The following TMEM181 variants were observed in gnomAD, a reference collection of about 807,000 sequenced individuals.
The protein encoded by TMEM181 is transmembrane protein 181, also known as G protein-coupled receptor 178.
A neutral mutation model predicts 71.9 loss-of-function variants in TMEM181; 39 were observed. The observed-to-expected ratio is 0.54, with a 90% CI of 0.42 to 0.71. TMEM181 has a LOEUF of 0.71. TMEM181 is among the 30% of genes least tolerant of loss of function. TMEM181 has a pLI of 0.00. For synonymous variants in TMEM181, 245 were observed against 228.8 expected, an observed-to-expected ratio of 1.07 and a Z score of -0.64; for missense variants, 595 against 583.0, an observed-to-expected ratio of 1.02 and a Z score of -0.21.
intron 1 of TMEM181, among the ~76,000 whole-genome samples, chr6:158,570,914 A>T (rs7760741): frequency 0.63 from 94,706 of 150,088 alleles, 30,697 homozygotes; most frequent in African/African-American, 0.78. Context: ...TTTGTTTGTT[A>T]GGTTGGTTTT....
chr6:158,583,540 G>T (rs758830066), intron 3 of TMEM181, among the ~76,000 whole-genome samples: 31 of 152,140 alleles, frequency 2.0e-4, no homozygotes, highest in Non-Finnish European at 3.7e-4. Flanking sequence ...AGTGGCTAAT[G>T]CCTGTAACCT....
At chr6:158,536,980 G>A (rs1781136611) in intron 1 of TMEM181, 1 of 739,994 alleles carries the variant, frequency 1.4e-6, no homozygotes, top group Non-Finnish European at 1.7e-6. Context: ...GCCTCCGCCG[G>A]CCGGGCGCGG....
intron 1 of TMEM181, among the ~76,000 whole-genome samples, chr6:158,539,814 A>C (rs950824659): frequency 6.6e-6 from 1 of 152,214 alleles, no homozygotes; most frequent in East Asian, 1.9e-4. Context: ...TTCTAGCCCC[A>C]GTTCCACTCC....
At chr6:158,627,940 G>C (rs1562316415) in intron 13 of TMEM181, among the ~76,000 whole-genome samples, 1 of 152,246 alleles carries the variant, frequency 6.6e-6, no homozygotes, top group South Asian at 2.1e-4. Context: ...TGTTGCCTTC[G>C]CTGCTGTGCA....
At chr6:158,565,098 C>T (rs978871577) in intron 1 of TMEM181, among the ~76,000 whole-genome samples, 1 of 152,336 alleles carries the variant, frequency 6.6e-6, no homozygotes, top group Non-Finnish European at 1.5e-5. Context: ...AGTGGGAATG[C>T]TGGTGCTGGC....
At chr6:158,581,523 G>C (rs968095082) in intron 3 of TMEM181, among the ~76,000 whole-genome samples, 1 of 152,122 alleles carries the variant, frequency 6.6e-6, no homozygotes, top group East Asian at 1.9e-4. Flanking sequence ...GGAAGCTGAG[G>C]TGAGCTGATC....
In TMEM181 at chr6:158,571,150, G is replaced by A. The variant is rs138262713; in HGVS notation, c.9-2270G>A. 9.1e-3 allele frequency among the ~76,000 whole-genome samples: 1,386 copies of A among 151,934 alleles called. 32 individuals carry two copies. The highest frequency in any genetic ancestry group is 0.032 in the African/African-American group (1,314 of 41,524). On this transcript the variant is annotated intron_variant, in intron 1 of 16. Transcript: ENST00000684151. ...CTCGTTCTGTTGCCCAGGCTGAAGT[G>A]CAGTGGTGCCATCTTGGCTCACTGC...
intron 10 of TMEM181, chr6:158,611,417 G>A (rs1785300742): frequency 1.9e-6 from 1 of 539,240 alleles, no homozygotes; most frequent in East Asian, 5.4e-5. Flanking sequence ...TCATTGTGGA[G>A]CCCTGATGTC....
chr6:158,562,820 G>A (rs1331936433), intron 1 of TMEM181, among the ~76,000 whole-genome samples: 1 of 152,166 alleles, frequency 6.6e-6, no homozygotes, highest in Non-Finnish European at 1.5e-5. Context: ...AGCAAGTGCC[G>A]TCGTAAGCAC....
At chr6:158,587,932 C>T (rs1783872597) in intron 5 of TMEM181, among the ~76,000 whole-genome samples, 1 of 152,194 alleles carries the variant, frequency 6.6e-6, no homozygotes. Context: ...AATGTATTTA[C>T]AGATTTTAAG....
chr6:158,580,461 T>C (rs1783410047), intron 2 of TMEM181, among the ~76,000 whole-genome samples: 1 of 152,230 alleles, frequency 6.6e-6, no homozygotes, highest in East Asian at 1.9e-4. Context: ...GTTAAAACTT[T>C]ATGCTTTCCT....
chr6:158,603,215 G>A (rs546399195), intron 6 of TMEM181, among the ~76,000 whole-genome samples: 2 of 152,156 alleles, frequency 1.3e-5, no homozygotes, highest in Non-Finnish European at 2.9e-5. Context: ...GTAGGCCAGT[G>A]GTCCCCAGCC....
intron 10 of TMEM181, among the ~76,000 whole-genome samples, chr6:158,611,978 C>CA (rs1554228502): frequency 6.9e-6 from 1 of 144,754 alleles, no homozygotes; most frequent in Admixed American, 7.2e-5. Context: ...GCAGGGATAC[C>CA]CCCCCCACCT....
rs1470234130 is a variant in TMEM181, at chr6:158,625,143, A to G, written c.994A>G (p.Ile332Val). Residue 332 changes from isoleucine (I) to valine (V), a missense_variant, in exon 12 of 17, where the codon ATT (isoleucine) becomes GTT (valine). Ile to Val is a conservative substitution (Grantham distance 29). Transcript: ENST00000684151. The stretch of plus-strand genomic sequence containing the variant: ...CTTCATGGTGGTGGCAGCGGTGTAC[A>G]TTCTGTACCTCTTGTTCTTGATAGT... ...VFFMVVAAVY[I>V]LYLLFLIVRA... 8.7e-6 allele frequency: 14 copies of G among 1,614,160 alleles called. 1 individual carries two copies. The highest frequency in any genetic ancestry group is 1.2e-5 in the Non-Finnish European group (14 of 1,180,020).
intron 6 of TMEM181, among the ~76,000 whole-genome samples, chr6:158,593,704 T>C (rs1784235683): frequency 6.6e-6 from 1 of 152,268 alleles, no homozygotes; most frequent in African/African-American, 2.4e-5. Flanking sequence ...CATTGTGTTG[T>C]GAACTTTAAA....
intron 3 of TMEM181, among the ~76,000 whole-genome samples, 162 bp from the exon 4 acceptor site, chr6:158,583,792 T>TC (rs1281260179): frequency 1.3e-5 from 2 of 152,054 alleles, no homozygotes; most frequent in African/African-American, 4.8e-5. Context: ...AGAGTGAGAC[T>TC]CCATCAAAAT....
At chr6:158,581,044 C>A in intron 3 of TMEM181, 49 bp downstream of exon 3, 1 of 1,538,932 alleles carries the variant, frequency 6.5e-7, no homozygotes. Flanking sequence ...CATTATAAAC[C>A]TCAGGTCACT....
At position 158,628,313 on chromosome 6, in the gene TMEM181, C is replaced by T. The variant is rs149263626; in HGVS notation, c.1110-95C>T. The T allele has an allele frequency of 8.0e-4, 941 of 1,177,982 alleles. 4 individuals carry two copies. The African/African-American group carries it at 0.011, about 14-fold the overall frequency. 73.0% of individuals were successfully genotyped at this position (1,177,982 alleles called of 1,614,324 possible). ...CCATGCAGAAATCATAGTGTACAGA[C>T]GGAAAGCTTGAATGGGGTGAATAGA... On this transcript the variant is annotated intron_variant, in intron 13 of 16. Coordinates refer to ENST00000684151, the MANE Select transcript of TMEM181 (RefSeq NM_001376852.1).
intron 7 of TMEM181, 128 bp from the exon 8 acceptor site, chr6:158,607,116 G>A: frequency 1.4e-6 from 1 of 723,756 alleles, no homozygotes; most frequent in South Asian, 1.7e-5. Flanking sequence ...GCTTAAGGCA[G>A]CGACTCTTAG....
Sources: allele counts gnomAD v4.1 joint callset (sites outside exome capture counted in the v4.1 genomes callset), GRCh38; gene constraint gnomAD v4.1.1; transcripts MANE v1.5; gene names NCBI Gene and HGNC (gene_info 2026-07-23, HGNC 2026-07-21).